The following FGD4 variants were observed in gnomAD, a reference collection of about 807,000 sequenced individuals.
FGD4 encodes FYVE, RhoGEF and PH domain-containing protein 4.
Under a neutral mutation model 102.0 loss-of-function variants are expected in FGD4, and 42 were observed. That is an observed-to-expected ratio of 0.41 (90% CI 0.32 to 0.53). The LOEUF (loss-of-function observed/expected upper bound fraction) is 0.53. Ranked by LOEUF, FGD4 falls within the 20% of genes least tolerant of loss-of-function variation. The pLI is 0.21. For missense variants in FGD4, 902 were observed against 1,078.2 expected (o/e 0.84, Z 2.29); for synonymous variants, 380 against 375.7 (o/e 1.01, Z -0.13).
At chr12:32,536,626 T>G (rs1942286793) in intron 1 of FGD4, among the ~76,000 whole-genome samples, 1 of 152,224 alleles carries the variant, frequency 6.6e-6, no homozygotes, top group Non-Finnish European at 1.5e-5. Context: ...GAACAGATCC[T>G]TCCATTTTTA....
intron 1 of FGD4, among the ~76,000 whole-genome samples, chr12:32,425,761 G>A (rs1941809798): frequency 6.6e-6 from 1 of 152,100 alleles, no homozygotes; most frequent in African/African-American, 2.4e-5. Context: ...GCAGTGGTTT[G>A]TAGTTCTCCT....
chr12:32,431,195 C>A (rs1487275294), intron 1 of FGD4, among the ~76,000 whole-genome samples: 1 of 152,194 alleles, frequency 6.6e-6, no homozygotes, highest in Non-Finnish European at 1.5e-5. Context: ...TGTCATGAAT[C>A]CTCTCTGATT....
At position 32,562,659 on chromosome 12, in the gene FGD4, CTG is replaced by C. The variant is rs1265317392; in HGVS notation, c.167-1477_167-1476del. ...CAAGCTCTGTTTAACAAAGCACATC[CTG>C]CACCGCCCTTAATCCATTTAACCCT... On this transcript the variant is annotated intron_variant, in intron 1 of 16. Transcript: ENST00000534526. Among the ~76,000 whole-genome samples the C allele has an allele frequency of 3.9e-5, 6 of 152,282 alleles. No individual in the cohort carries two copies. The South Asian group carries it at 8.3e-4, about 21-fold the overall frequency.
intron 1 of FGD4, among the ~76,000 whole-genome samples, chr12:32,500,502 T>C (rs11052032): frequency 0.45 from 68,839 of 151,526 alleles, 17,161 homozygotes; most frequent in African/African-American, 0.66. Context: ...GGCGCAATCT[T>C]GGCTCATTGC....
intron 1 of FGD4, among the ~76,000 whole-genome samples, chr12:32,513,492 G>A (rs1939591272): frequency 6.6e-6 from 1 of 152,138 alleles, no homozygotes; most frequent in African/African-American, 2.4e-5. Flanking sequence ...ATACATTTTG[G>A]GAAGATGACT....
chr12:32,566,751 G>A (rs889790741), intron 2 of FGD4, among the ~76,000 whole-genome samples: 1 of 152,174 alleles, frequency 6.6e-6, no homozygotes, highest in African/African-American at 2.4e-5. Flanking sequence ...GATGGAGGCA[G>A]AGAAGAGAAG....
chr12:32,437,438 C>T (rs940649630), intron 1 of FGD4, among the ~76,000 whole-genome samples: 7 of 152,164 alleles, frequency 4.6e-5, no homozygotes, highest in African/African-American at 1.7e-4. Flanking sequence ...ATACGATGAG[C>T]GAGGCGAGGT....
intron 1 of FGD4, among the ~76,000 whole-genome samples, chr12:32,425,180 T>C (rs1941787672): frequency 6.6e-6 from 1 of 152,232 alleles, no homozygotes; most frequent in African/African-American, 2.4e-5. Context: ...GCTTAGGTTT[T>C]CTTCTAGGGC....
At chr12:32,412,929 A>G (rs991053999) in intron 1 of FGD4, among the ~76,000 whole-genome samples, 3 of 55,548 alleles carry the variant, frequency 5.4e-5, no homozygotes, top group African/African-American at 4.6e-4. Flanking sequence ...TTTTTTAATT[A>G]GCCAGCCATG....
intron 1 of FGD4, among the ~76,000 whole-genome samples, chr12:32,459,308 C>T (rs963250227): frequency 5.3e-5 from 8 of 151,780 alleles, no homozygotes; most frequent in African/African-American, 1.9e-4. Flanking sequence ...ATTCTCATGC[C>T]TCAGCCTCCC....
intron 1 of FGD4, among the ~76,000 whole-genome samples, chr12:32,558,802 A>C (rs1291758790): frequency 3.9e-5 from 6 of 152,192 alleles, no homozygotes; most frequent in Non-Finnish European, 1.5e-5. Context: ...GCTAATTGAG[A>C]ATATTTGAGG....
At chr12:32,465,482 A>G (rs1054511166) in intron 1 of FGD4, among the ~76,000 whole-genome samples, 2 of 151,972 alleles carry the variant, frequency 1.3e-5, no homozygotes, top group African/African-American at 4.8e-5. Context: ...ATCCCGGCCA[A>G]CATGGTAAAA....
intron 10 of FGD4, among the ~76,000 whole-genome samples, chr12:32,616,456 G>T (rs1472804132): frequency 1.3e-5 from 2 of 152,194 alleles, no homozygotes; most frequent in Non-Finnish European, 2.9e-5. Flanking sequence ...TTTATTCTTT[G>T]AAGACCATCT....
At chr12:32,591,812 C>G (rs1947497876) in intron 4 of FGD4, among the ~76,000 whole-genome samples, 1 of 152,152 alleles carries the variant, frequency 6.6e-6, no homozygotes, top group African/African-American at 2.4e-5. Flanking sequence ...AACAACCAGG[C>G]CGAACCTAAG....
intron 4 of FGD4, 88 bp from the exon 5 acceptor site, chr12:32,598,409 G>A: frequency 1.1e-6 from 1 of 925,148 alleles, no homozygotes; most frequent in Middle Eastern, 2.6e-4. Context: ...AAACTGTTTT[G>A]ATCAAATCAT....
intron 1 of FGD4, among the ~76,000 whole-genome samples, chr12:32,481,281 A>G (rs1943757651): frequency 6.6e-6 from 1 of 152,038 alleles, no homozygotes. Context: ...TAGTAAAAAT[A>G]TAAAAATTAG....
intron 1 of FGD4, among the ~76,000 whole-genome samples, chr12:32,521,041 G>A (rs935455179): frequency 6.6e-6 from 1 of 152,126 alleles, no homozygotes; most frequent in Admixed American, 6.5e-5. Flanking sequence ...AAAACAATGT[G>A]CATGGGAGCC....
At chr12:32,573,381 C>CT (rs1945846197) in intron 2 of FGD4, among the ~76,000 whole-genome samples, 2 of 152,184 alleles carry the variant, frequency 1.3e-5, no homozygotes, top group African/African-American at 4.8e-5. Flanking sequence ...AGGCGTGAGC[C>CT]GCCGCCCCTG....
intron 1 of FGD4, among the ~76,000 whole-genome samples, chr12:32,442,948 A>AT (rs1318114764): frequency 6.6e-6 from 1 of 152,050 alleles, no homozygotes; most frequent in Non-Finnish European, 1.5e-5. Flanking sequence ...GATGTTGAGC[A>AT]TTTTTCATAT....
Sources: gnomAD v4.1 joint callset for allele counts (sites outside exome capture counted in the v4.1 genomes callset) on GRCh38, gnomAD v4.1.1 for gene constraint, MANE v1.5 for transcripts, NCBI Gene and HGNC (gene_info 2026-07-23, HGNC 2026-07-21) for gene names.